GC: variants seen among roughly 807,000 people sequenced by gnomAD.
GC encodes the protein vitamin D-binding protein.
Under a neutral mutation model 56.7 loss-of-function variants are expected in GC, and 43 were observed. That is an observed-to-expected ratio of 0.76 (90% CI 0.59 to 0.98). The LOEUF (loss-of-function observed/expected upper bound fraction) is 0.98. Ranked by LOEUF, GC falls within the 50% of genes least tolerant of loss-of-function variation. The pLI is 0.00. For missense variants in GC, 529 were observed against 545.9 expected, an observed-to-expected ratio of 0.97 and a Z score of 0.31; for synonymous variants, 216 against 202.7, an observed-to-expected ratio of 1.07 and a Z score of -0.56.
chr4:71,768,345 C>T lies in GC; in HGVS notation c.217G>A (p.Ala73Thr), dbSNP rs761337157. ...GGGTCAGCCCCTTCCGCACAGCAGGCTTCGGTCAAGGAGACAACTTCCTTC... is the reference window on the plus strand; with the variant it reads ...GGGTCAGCCCCTTCCGCACAGCAGGTTTCGGTCAAGGAGACAACTTCCTTC... ...LVKEVVSLTE[A>T]CCAEGADPDC... Residue 73 changes from alanine (A) to threonine (T), a missense_variant, in exon 3 of 13, where the codon GCC (alanine) becomes ACC (threonine). Physicochemically the swap from Ala to Thr is moderately conservative, Grantham distance 58. Coordinates refer to ENST00000273951, the MANE Select transcript of GC (RefSeq NM_000583.4). 25 of 1,613,412 alleles carry T rather than the reference C, an allele frequency of 1.5e-5. No homozygotes were observed. Among genetic ancestry groups the T allele is most frequent in the Non-Finnish European group, 2.0e-5 (24 of 1,179,736 alleles).
intron 1 of GC, among the ~76,000 whole-genome samples, chr4:71,800,442 T>C (rs1051684272): frequency 6.6e-6 from 1 of 152,240 alleles, no homozygotes; most frequent in Non-Finnish European, 1.5e-5. Context: ...TAGTATCCCA[T>C]GGTGTAAATG....
chr4:71,773,192 G>A (rs1044712381), intron 1 of GC, among the ~76,000 whole-genome samples: 5 of 152,032 alleles, frequency 3.3e-5, no homozygotes, highest in African/African-American at 1.2e-4. Context: ...CATAATCTTA[G>A]TGACTCTGAT....
At chr4:71,757,927 G>T in intron 7 of GC, 115 bp downstream of exon 7, 1 of 730,470 alleles carries the variant, frequency 1.4e-6, no homozygotes, top group Non-Finnish European at 2.2e-6. Context: ...TAGAATACAT[G>T]TAAGCATCCG....
intron 10 of GC, among the ~76,000 whole-genome samples, chr4:71,753,076 C>T (rs534270993): frequency 6.6e-6 from 1 of 152,278 alleles, no homozygotes; most frequent in South Asian, 2.1e-4. Context: ...AATTTATCTA[C>T]TTCTCAACTC....
intron 6 of GC, among the ~76,000 whole-genome samples, chr4:71,760,289 T>A (rs1390430606): frequency 6.6e-6 from 1 of 151,890 alleles, no homozygotes; most frequent in African/African-American, 2.4e-5. Flanking sequence ...CCTGACCTTG[T>A]GAACCACCTG....
At chr4:71,770,110 G>C (rs1742298720) in intron 1 of GC, among the ~76,000 whole-genome samples, 1 of 152,164 alleles carries the variant, frequency 6.6e-6, no homozygotes, top group South Asian at 2.1e-4. Flanking sequence ...CTCAGCGCTT[G>C]ACAGGGAGCT....
At chr4:71,756,217 A>G (rs1022872648) in intron 8 of GC, among the ~76,000 whole-genome samples, 7 of 152,226 alleles carry the variant, frequency 4.6e-5, no homozygotes, top group African/African-American at 7.2e-5. Context: ...CAGAAGTAAT[A>G]TGATAAAACT....
intron 12 of GC, among the ~76,000 whole-genome samples, chr4:71,744,395 C>T (rs1421655424): frequency 7.3e-6 from 1 of 136,084 alleles, no homozygotes; most frequent in African/African-American, 2.8e-5. Context: ...GGAGGCGGTG[C>T]TTGCAGCGAG....
intron 12 of GC, among the ~76,000 whole-genome samples, chr4:71,743,499 T>C (rs1392669790): frequency 2.6e-5 from 4 of 152,168 alleles, no homozygotes. Context: ...GACCTGGATT[T>C]AGAGCAACTC....
chr4:71,801,072 C>T (rs951205611), intron 1 of GC, among the ~76,000 whole-genome samples: 1 of 152,028 alleles, frequency 6.6e-6, no homozygotes, highest in African/African-American at 2.4e-5. Context: ...AAAATATTTG[C>T]AAGTCATATA....
chr4:71,776,852 A>G (rs908260603), intron 1 of GC, among the ~76,000 whole-genome samples: 6 of 151,934 alleles, frequency 3.9e-5, no homozygotes, highest in Non-Finnish European at 8.8e-5. Context: ...AACAAAATAC[A>G]CGTCTTAATG....
chr4:71,750,375 C>A (rs1741505746), intron 11 of GC, among the ~76,000 whole-genome samples: 1 of 152,112 alleles, frequency 6.6e-6, no homozygotes, highest in Non-Finnish European at 1.5e-5. Context: ...TAAATGGAGG[C>A]TGAATGCACC....
At chr4:71,779,433 G>A (rs1010656633) in intron 1 of GC, among the ~76,000 whole-genome samples, 3 of 151,864 alleles carry the variant, frequency 2.0e-5, no homozygotes, top group African/African-American at 7.2e-5. Context: ...AGGGAGCTAT[G>A]AGAATATCTG....
chr4:71,749,201 G>T (rs772710688), intron 11 of GC, among the ~76,000 whole-genome samples: 28 of 152,070 alleles, frequency 1.8e-4, no homozygotes, highest in Non-Finnish European at 3.1e-4. Flanking sequence ...TCCATTCATC[G>T]CACTCTACTT....
intron 7 of GC, among the ~76,000 whole-genome samples, chr4:71,757,512 G>C (rs1037780889): frequency 1.3e-5 from 2 of 151,966 alleles, no homozygotes; most frequent in Non-Finnish European, 2.9e-5. Flanking sequence ...AATTGAGATG[G>C]GCATCAAATT....
chr4:71,777,330 C>T (rs1346796904), intron 1 of GC, among the ~76,000 whole-genome samples: 1 of 151,650 alleles, frequency 6.6e-6, no homozygotes, highest in Non-Finnish European at 1.5e-5. Flanking sequence ...ATATACATTG[C>T]TTTAAGTGCT....
At chr4:71,760,073 C>T (rs1182881314) in intron 6 of GC, among the ~76,000 whole-genome samples, 5 of 144,574 alleles carry the variant, frequency 3.5e-5, no homozygotes, top group Admixed American at 7.0e-5. Context: ...GACGGAGTCT[C>T]GCTCTGTCGC....
chr4:71,765,629 A>G lies in GC; in HGVS notation c.276T>C (p.Ser92=), dbSNP rs751392793. The part of the protein sequence containing the change: ...DCYDTRTSAL[S]AKSCESNSPF... Reference sequence around the variant, plus strand: ...GAGAATTACTTTCACAGGACTTGGCAGACAGTGCTGAGGTCTGGAGGAGAA... The same window carrying G: ...GAGAATTACTTTCACAGGACTTGGCGGACAGTGCTGAGGTCTGGAGGAGAA... Residue 92 remains serine, a synonymous_variant, in exon 4 of 13, where the codon TCT becomes TCC. Transcript: ENST00000273951. 1.9e-6 allele frequency: 3 copies of G among 1,611,704 alleles called. No individual in the cohort carries two copies. The highest frequency in any genetic ancestry group is 2.5e-6 in the Non-Finnish European group (3 of 1,178,026).
intron 1 of GC, among the ~76,000 whole-genome samples, chr4:71,777,170 T>C (rs1306662951): frequency 6.6e-6 from 1 of 151,858 alleles, no homozygotes; most frequent in Non-Finnish European, 1.5e-5. Context: ...GCAAGAATTT[T>C]TTTTTCATGA....
Sources: gnomAD v4.1 joint callset for allele counts (sites outside exome capture counted in the v4.1 genomes callset) on GRCh38, gnomAD v4.1.1 for gene constraint, MANE v1.5 for transcripts, NCBI Gene and HGNC (gene_info 2026-07-23, HGNC 2026-07-21) for gene names.